Variants in ENTREP2 observed in about 807,000 individuals in gnomAD.
ENTREP2 encodes the protein protein ENTREP2.
chr15:29,538,921 T>C, the ENTREP2 span, among the ~76,000 whole-genome samples: 4 of 152,154 alleles, frequency 2.6e-5, no homozygotes, highest in South Asian at 2.1e-4. Context: ...CCAGCATATA[T>C]ATTAGCCAAG....
chr15:29,301,147 G>A, the ENTREP2 span, among the ~76,000 whole-genome samples: 95 of 152,214 alleles, frequency 6.2e-4, no homozygotes, highest in East Asian at 3.9e-4. Flanking sequence ...ATCAACAGGA[G>A]TTTTTTGACA....
chr15:29,369,664 C>G, the ENTREP2 span, among the ~76,000 whole-genome samples: 1 of 152,122 alleles, frequency 6.6e-6, no homozygotes, highest in Non-Finnish European at 1.5e-5. Context: ...AAATTAAACT[C>G]ACATAGACAT....
chr15:29,368,042 G>C, the ENTREP2 span, among the ~76,000 whole-genome samples: 1 of 151,504 alleles, frequency 6.6e-6, no homozygotes, highest in Non-Finnish European at 1.5e-5. Context: ...GTGATCCCTG[G>C]CCTGGCACAG....
At chr15:29,503,182 T>C in the ENTREP2 span, among the ~76,000 whole-genome samples, 6 of 152,152 alleles carry the variant, frequency 3.9e-5, no homozygotes, top group Non-Finnish European at 7.4e-5. Flanking sequence ...AGTCTAAAAG[T>C]GGAAAGAAAC....
At chr15:29,640,681 C>CAAAACAAAACAAAACAAAA in the ENTREP2 span, among the ~76,000 whole-genome samples, 10 of 124,312 alleles carry the variant, frequency 8.0e-5, no homozygotes, top group African/African-American at 4.0e-4. Flanking sequence ...AACAAAAAAA[C>CAAAACAAAACAAAACAAAA]CAAAAAGAAA....
chr15:29,508,523 A>C, the ENTREP2 span, among the ~76,000 whole-genome samples: 1 of 152,200 alleles, frequency 6.6e-6, no homozygotes, highest in East Asian at 1.9e-4. Context: ...AAACCAAACC[A>C]GCAGCACATT....
chr15:29,159,785 A>G, the ENTREP2 span, among the ~76,000 whole-genome samples: 1 of 152,184 alleles, frequency 6.6e-6, no homozygotes, highest in African/African-American at 2.4e-5. Flanking sequence ...CTAGACACAG[A>G]GTGCCGACTG....
the ENTREP2 span, among the ~76,000 whole-genome samples, chr15:29,170,118 T>C: frequency 6.6e-6 from 1 of 151,926 alleles, no homozygotes; most frequent in Non-Finnish European, 1.5e-5. Context: ...CCATCCTGGC[T>C]AACATGGTGA....
At chr15:29,456,802 CAA>C in the ENTREP2 span, among the ~76,000 whole-genome samples, 1 of 152,170 alleles carries the variant, frequency 6.6e-6, no homozygotes, top group Non-Finnish European at 1.5e-5. Flanking sequence ...GTAAGATCAG[CAA>C]AGAGTGGTGT....
the ENTREP2 span, among the ~76,000 whole-genome samples, chr15:29,470,559 G>A: frequency 3.3e-5 from 5 of 152,164 alleles, no homozygotes; most frequent in African/African-American, 9.7e-5. Flanking sequence ...CAACCATATG[G>A]TCTTTTCCAG....
At chr15:29,121,089 T>C in the ENTREP2 span, 8 of 152,248 alleles carry the variant, frequency 5.3e-5, no homozygotes, top group African/African-American at 1.7e-4. Flanking sequence ...GGCATCAAGT[T>C]GGGTACAGTT....
At chr15:29,201,301 A>G in the ENTREP2 span, among the ~76,000 whole-genome samples, 1 of 152,152 alleles carries the variant, frequency 6.6e-6, no homozygotes, top group African/African-American at 2.4e-5. Context: ...TTGAAATTAC[A>G]GCATTATGTT....
At chr15:29,447,892 G>C in the ENTREP2 span, among the ~76,000 whole-genome samples, 2 of 151,902 alleles carry the variant, frequency 1.3e-5, no homozygotes, top group Admixed American at 6.6e-5. Context: ...GTGAAACTCC[G>C]TCTCTGCTAA....
the ENTREP2 span, among the ~76,000 whole-genome samples, chr15:29,260,728 T>C: frequency 6.8e-6 from 1 of 146,082 alleles, no homozygotes; most frequent in African/African-American, 2.5e-5. Context: ...TATTGAATCT[T>C]GTACCTCATC....
chr15:29,275,835 A>G, the ENTREP2 span, among the ~76,000 whole-genome samples: 4 of 152,352 alleles, frequency 2.6e-5, no homozygotes, highest in Non-Finnish European at 4.4e-5. Context: ...TTAGGAAGAA[A>G]GGCAATGATC....
the ENTREP2 span, among the ~76,000 whole-genome samples, chr15:29,392,268 A>G: frequency 6.6e-6 from 1 of 152,118 alleles, no homozygotes; most frequent in Middle Eastern, 3.2e-3. Flanking sequence ...GGCCTGTAAT[A>G]GTTTTATTTC....
the ENTREP2 span, chr15:29,381,856 G>C: frequency 3.2e-6 from 5 of 1,550,580 alleles, no homozygotes; most frequent in African/African-American, 4.1e-5. Context: ...GATACAGGAA[G>C]GTGAGATGCT....
At chr15:29,621,174 G>T in the ENTREP2 span, among the ~76,000 whole-genome samples, 1 of 151,958 alleles carries the variant, frequency 6.6e-6, no homozygotes, top group South Asian at 2.1e-4. Context: ...CGGATCACAA[G>T]GTCAGGAGAT....
chr15:29,533,726 G>A, the ENTREP2 span, among the ~76,000 whole-genome samples: 3 of 151,914 alleles, frequency 2.0e-5, no homozygotes, highest in Non-Finnish European at 2.9e-5. Context: ...CTTCTTAGAC[G>A]AGCCAGTCTG....
Sources: gnomAD v4.1 joint callset for allele counts (sites outside exome capture counted in the v4.1 genomes callset) on GRCh38, gnomAD v4.1.1 for gene constraint, MANE v1.5 for transcripts, NCBI Gene and HGNC (gene_info 2026-07-23, HGNC 2026-07-21) for gene names.